CALCRL: variants seen among roughly 807,000 people sequenced by gnomAD.
CALCRL encodes calcitonin receptor like receptor.
In CALCRL, 27 loss-of-function variants were observed where a neutral mutation model predicts 60.4. That is an observed-to-expected ratio of 0.45 (90% CI 0.33 to 0.62). The LOEUF (loss-of-function observed/expected upper bound fraction) is 0.62, where lower values mean the gene tolerates loss of function less well. CALCRL is among the 20% of genes least tolerant of loss of function. The probability of loss-of-function intolerance (pLI) is 0.03; values close to 1 mark genes in which losing one functional copy is unlikely to be tolerated. For synonymous variants in CALCRL, 190 were observed against 182.6 expected (o/e 1.04, Z -0.33); for missense variants, 424 against 540.7 (o/e 0.78, Z 2.14).
chr2:187,355,748 A>G (rs1686749499), intron 12 of CALCRL, among the ~76,000 whole-genome samples: 1 of 152,086 alleles, frequency 6.6e-6, no homozygotes, highest in Admixed American at 6.6e-5. Flanking sequence ...TATTTAGAAA[A>G]CCCCATCGAC....
intron 8 of CALCRL, among the ~76,000 whole-genome samples, chr2:187,368,300 CA>C (rs1687382087): frequency 6.6e-6 from 1 of 151,948 alleles, no homozygotes. Context: ...TTTTTAGGTA[CA>C]AATACTAAAA....
Position 187,342,865 on chromosome 2 carries a change from A to G in CALCRL, c.*3319T>C, listed in dbSNP as rs1408983007. Among the ~76,000 whole-genome samples, 3 of 151,580 alleles carry G rather than the reference A, an allele frequency of 2.0e-5. No individual in the cohort carries two copies. The highest frequency in any genetic ancestry group is 7.2e-5 in the African/African-American group (3 of 41,394). ...CCTTCATTAATTAATGAGTTAAACG[A>G]AATCTTTGAAACATTTTCATTTTAT... is the stretch of plus-strand genomic sequence containing the variant. On this transcript the variant is annotated 3_prime_UTR_variant, in exon 15 of 15. Transcript: ENST00000392370.
In CALCRL at chr2:187,343,628, A is replaced by C. The variant is rs1686169180; in HGVS notation, c.*2556T>G. 1 of 151,726 alleles carries C rather than the reference A, an allele frequency of 6.6e-6. No individual in the cohort carries two copies. The highest frequency in any genetic ancestry group is 1.5e-5 in the Non-Finnish European group (1 of 67,588). 9.4% of individuals were successfully genotyped at this position (151,726 alleles called of 1,614,324 possible). A position where few individuals can be genotyped will look rare whatever the true frequency, so the allele number is the denominator to read the frequency against. On this transcript the variant is annotated 3_prime_UTR_variant, in exon 15 of 15. Transcript: ENST00000392370. ...AAAATGACAAATTAGAATTTAGAAA[A>C]TTAAAATATGACTTTCACAAGTAAT...
intron 8 of CALCRL, among the ~76,000 whole-genome samples, chr2:187,372,055 T>C (rs1297347986): frequency 6.6e-6 from 1 of 152,128 alleles, no homozygotes. Context: ...ACAAAAGATA[T>C]CATTGTCTAC....
At chr2:187,363,529 T>C in intron 8 of CALCRL, 27 bp from the exon 9 acceptor site, 1 of 1,556,996 alleles carries the variant, frequency 6.4e-7, no homozygotes, top group Non-Finnish European at 8.7e-7. Flanking sequence ...ACAAGTGTGT[T>C]GACATCATGA....
At chr2:187,401,924 G>A (rs1688903610) in intron 1 of CALCRL, among the ~76,000 whole-genome samples, 1 of 150,770 alleles carries the variant, frequency 6.6e-6, no homozygotes, top group South Asian at 2.1e-4. Context: ...ACTAAAGATG[G>A]AAAAAAGAAA....
At chr2:187,369,186 G>T (rs1687420190) in intron 8 of CALCRL, among the ~76,000 whole-genome samples, 1 of 152,206 alleles carries the variant, frequency 6.6e-6, no homozygotes, top group Admixed American at 6.5e-5. Flanking sequence ...GAATAGCCAT[G>T]TCCATTTTGT....
rs1421400911 is a variant in CALCRL at position 187,380,541 on chromosome 2, A to G, written c.334T>C (p.Phe112Leu). Residue 112 changes from phenylalanine to leucine, a missense_variant, in exon 7 of 15, where the codon TTT becomes CTT. By Grantham distance (22) the Phe-to-Leu change is conservative. This residue lies in a region of CALCRL where 108 missense variants were observed against 132.9 expected (regional missense o/e 0.81). Coordinates refer to ENST00000392370, the MANE Select transcript of CALCRL (RefSeq NM_005795.6). ...TKICDQDGNW[F>L]RHPASNRTWT... Reference sequence around the variant, plus strand: ...GTTCTGTTGCTTGCTGGATGTCTAAACCAGTTTCCATCTTGGTCACAGATC... The same window carrying G: ...GTTCTGTTGCTTGCTGGATGTCTAAGCCAGTTTCCATCTTGGTCACAGATC... The G allele has an allele frequency of 6.2e-7, 1 of 1,613,608 alleles. No homozygotes were observed. The highest frequency in any genetic ancestry group is 8.5e-7 in the Non-Finnish European group (1 of 1,179,622).
At chr2:187,419,779 T>TG (rs1559071482) in intron 1 of CALCRL, among the ~76,000 whole-genome samples, 1 of 152,194 alleles carries the variant, frequency 6.6e-6, no homozygotes, top group Non-Finnish European at 1.5e-5. Context: ...AAGTAAAATG[T>TG]GTTAAAAGAG....
At chr2:187,363,642 T>C in intron 8 of CALCRL, 140 bp from the exon 9 acceptor site, 1 of 861,264 alleles carries the variant, frequency 1.2e-6, no homozygotes. Context: ...ATCCACTCAT[T>C]ACAAAAATCT....
At chr2:187,385,523 T>C (rs759168112) in intron 4 of CALCRL, 22 bp downstream of exon 4, 1 of 1,145,236 alleles carries the variant, frequency 8.7e-7, no homozygotes, top group Admixed American at 2.0e-5. Context: ...ACAGACATAA[T>C]CATATATATT....
intron 1 of CALCRL, among the ~76,000 whole-genome samples, chr2:187,434,901 A>C (rs1690566022): frequency 6.6e-6 from 1 of 152,186 alleles, no homozygotes; most frequent in Non-Finnish European, 1.5e-5. Context: ...ATAAAAGCAG[A>C]AAAATAAAGT....
At chr2:187,435,283 C>A (rs570795225) in intron 1 of CALCRL, among the ~76,000 whole-genome samples, 1 of 152,162 alleles carries the variant, frequency 6.6e-6, no homozygotes, top group South Asian at 2.1e-4. Context: ...TCTCCTATCT[C>A]GTGGCAACAG....
intron 1 of CALCRL, among the ~76,000 whole-genome samples, chr2:187,446,805 T>G (rs893556139): frequency 6.6e-6 from 1 of 151,898 alleles, no homozygotes; most frequent in African/African-American, 2.4e-5. Context: ...AAATTTTCAT[T>G]ATATTGAGGA....
intron 1 of CALCRL, among the ~76,000 whole-genome samples, chr2:187,412,384 A>AAGAGCATGGGCTCC (rs1225497375): frequency 2.0e-5 from 3 of 152,186 alleles, no homozygotes; most frequent in Non-Finnish European, 4.4e-5. Context: ...AAGGGGGCTC[A>AAGAGCATGGGCTCC]AGAGCATGGG....
At chr2:187,404,981 G>C (rs574123288) in intron 1 of CALCRL, among the ~76,000 whole-genome samples, 1 of 152,056 alleles carries the variant, frequency 6.6e-6, no homozygotes, top group African/African-American at 2.4e-5. Flanking sequence ...TGGATACTAG[G>C]GTTTGGATAC....
At chr2:187,400,235 A>G (rs1360016652) in intron 1 of CALCRL, among the ~76,000 whole-genome samples, 1 of 151,390 alleles carries the variant, frequency 6.6e-6, no homozygotes, top group African/African-American at 2.4e-5. Flanking sequence ...TTTTAAAAAA[A>G]TTGATGGGCA....
At chr2:187,416,137 C>G (rs1053084267) in intron 1 of CALCRL, among the ~76,000 whole-genome samples, 6 of 152,024 alleles carry the variant, frequency 3.9e-5, no homozygotes, top group Non-Finnish European at 7.4e-5. Context: ...TACTAGGTAA[C>G]GCATATATTA....
At chr2:187,366,249 C>CAAAAAAAAAAAAAAAAAAA (rs59586461) in intron 8 of CALCRL, among the ~76,000 whole-genome samples, 7 of 94,612 alleles carry the variant, frequency 7.4e-5, no homozygotes, top group African/African-American at 2.3e-4. Context: ...GACTCCGTCT[C>CAAAAAAAAAAAAAAAAAAA]AAAAAAAAAA....
Sources: gnomAD v4.1 joint callset for allele counts (sites outside exome capture counted in the v4.1 genomes callset) on GRCh38, gnomAD v4.1.1 for gene constraint, gnomAD v4.1.1 regional missense constraint, MANE v1.5 for transcripts, NCBI Gene and HGNC (gene_info 2026-07-23, HGNC 2026-07-21) for gene names.